DNAH6: variants seen among roughly 807,000 people sequenced by gnomAD.
The protein encoded by DNAH6 is axonemal beta dynein heavy chain 6.
In DNAH6, 340 loss-of-function variants were observed where a neutral mutation model predicts 491.4. The ratio of observed to expected loss-of-function variants is 0.69; its 90% confidence interval spans 0.63 to 0.76. The LOEUF (loss-of-function observed/expected upper bound fraction) is 0.76. Ranked by LOEUF, DNAH6 falls within the 30% of genes least tolerant of loss-of-function variation. DNAH6 has a pLI of 0.00. For missense variants in DNAH6, 4,443 were observed against 4,972.2 expected (o/e 0.89, Z 3.20); for synonymous variants, 1,603 against 1,686.1 (o/e 0.95, Z 1.21).
intron 33 of DNAH6, among the ~76,000 whole-genome samples, chr2:84,646,883 T>A (rs1401247003): frequency 6.6e-6 from 1 of 152,236 alleles, no homozygotes; most frequent in Non-Finnish European, 1.5e-5. Flanking sequence ...AGTCTCACTC[T>A]GCCCCCCAGG....
chr2:84,513,945 C>A (rs1401662375), upstream of DNAH6, among the ~76,000 whole-genome samples: 1 of 152,084 alleles, frequency 6.6e-6, no homozygotes, highest in African/African-American at 2.4e-5. Flanking sequence ...CAGTTTTTTC[C>A]TAGTCCAACC....
At chr2:84,600,406 GT>G (rs995684378) in intron 18 of DNAH6, among the ~76,000 whole-genome samples, 36 of 152,064 alleles carry the variant, frequency 2.4e-4, no homozygotes, top group African/African-American at 8.7e-4. Flanking sequence ...CTTTATCTGA[GT>G]TTTTTTAGTT....
rs1688711365 is a variant in DNAH6, at chr2:84,634,644, A to G, written c.4653+3A>G. 6.5e-7 allele frequency: 1 copy of G among 1,529,046 alleles called. No homozygotes were observed. The highest frequency in any genetic ancestry group is 2.2e-5 in the Admixed American group (1 of 46,492). The allele number at this position is 1,529,046 out of a possible 1,614,324, so 94.7% of individuals were successfully genotyped here. On this transcript the variant is annotated splice_donor_region_variant and intron_variant, in intron 30 of 76. Coordinates refer to ENST00000389394, the MANE Select transcript of DNAH6 (RefSeq NM_001370.2). The stretch of plus-strand genomic sequence containing the variant: ...TTAGGAACGCCAAAGCGGCAAAGGT[A>G]AGGCACTGGGCAATCGACTTTCAAG...
intron 22 of DNAH6, among the ~76,000 whole-genome samples, chr2:84,612,508 G>A (rs1686433725): frequency 6.6e-6 from 1 of 152,118 alleles, no homozygotes; most frequent in Non-Finnish European, 1.5e-5. Context: ...CTTCCCTGAA[G>A]TTTGCTGGGC....
At chr2:84,575,756 G>C in intron 12 of DNAH6, among the ~76,000 whole-genome samples, 1 of 152,054 alleles carries the variant, frequency 6.6e-6, no homozygotes, top group East Asian at 1.9e-4. Flanking sequence ...TGGTGGCGGG[G>C]GCCTGTGGTC....
chr2:84,787,310 C>T lies in DNAH6; in HGVS notation c.11239+8C>T, dbSNP rs1370062214. 6 of 1,545,692 alleles carry T rather than the reference C, an allele frequency of 3.9e-6. No homozygotes were observed. The highest frequency in any genetic ancestry group is 2.4e-5 in the South Asian group (2 of 82,662). ...CACTAATTTACATTACTGGTGAGTACGTCCTTGTGGCCAGGCCTTCCATCT... is the reference window on the plus strand; with the variant it reads ...CACTAATTTACATTACTGGTGAGTATGTCCTTGTGGCCAGGCCTTCCATCT... On this transcript the variant is annotated splice_region_variant and intron_variant, in intron 68 of 76. Coordinates refer to ENST00000389394, the MANE Select transcript of DNAH6 (RefSeq NM_001370.2).
At chr2:84,805,066 A>G (rs1003789675) in intron 70 of DNAH6, among the ~76,000 whole-genome samples, 2 of 152,270 alleles carry the variant, frequency 1.3e-5, no homozygotes, top group Middle Eastern at 3.4e-3. Flanking sequence ...CTTTTGGGCT[A>G]AAGCAGTCTT....
chr2:84,468,602 G>T, the DNAH6 span, among the ~76,000 whole-genome samples: 1 of 152,172 alleles, frequency 6.6e-6, no homozygotes, highest in African/African-American at 2.4e-5. Context: ...GGGAGGAGAA[G>T]AGAATAGACA....
Position 84,621,266 on chromosome 2 carries a change from A to G in DNAH6, c.3868A>G (p.Thr1290Ala). The G allele has an allele frequency of 6.4e-7, 1 of 1,551,624 alleles. No individual in the cohort carries two copies. The highest frequency in any genetic ancestry group is 8.7e-7 in the Non-Finnish European group (1 of 1,146,920). Residue 1290 changes from threonine to alanine, a missense_variant, in exon 25 of 77, where the codon ACA becomes GCA. Transcript: ENST00000389394. ...TGGTAAAGTGGAAGAAGCCATGTTC[A>G]CATCTCTGCGTCGCCTGTGCAAAGC... ...WLGKVEEAMF[T>A]SLRRLCKAAI...
the DNAH6 span, among the ~76,000 whole-genome samples, chr2:84,484,217 T>C: frequency 6.6e-6 from 1 of 151,966 alleles, no homozygotes; most frequent in Non-Finnish European, 1.5e-5. Context: ...AGAAAGAAAA[T>C]CCAGGAAACC....
In DNAH6 at chr2:84,763,714, A is replaced by ATGTGTGTG. The variant is rs70953906; in HGVS notation, c.10703+815_10703+822dup. Among the ~76,000 whole-genome samples, 950 of 126,880 alleles carry ATGTGTGTG rather than the reference A, an allele frequency of 7.5e-3. 9 individuals carry two copies. The highest frequency in any genetic ancestry group is 0.012 in the Middle Eastern group (3 of 242). The allele number at this position is 126,880 out of a possible 152,430, so 83.2% of individuals were successfully genotyped here. ...TCTCCAGAGAAATAGAACTGATAGG[A>ATGTGTGTG]TGTGTGTGTGTGTGTGTGTGTGTGT... is the stretch of plus-strand genomic sequence containing the variant. On this transcript the variant is annotated intron_variant, in intron 64 of 76. Transcript: ENST00000389394.
chr2:84,693,162 T>C (rs1266689755), intron 45 of DNAH6, among the ~76,000 whole-genome samples: 1 of 152,200 alleles, frequency 6.6e-6, no homozygotes, highest in Admixed American at 6.5e-5. Context: ...TGATGTGGCC[T>C]CTGGGATGCC....
Position 84,703,524 on chromosome 2 carries a change from A to G in DNAH6, c.8191A>G (p.Met2731Val). 6.4e-7 allele frequency: 1 copy of G among 1,551,402 alleles called. No individual in the cohort carries two copies. The highest frequency in any genetic ancestry group is 8.7e-7 in the Non-Finnish European group (1 of 1,146,780). ...LAKSEDVEALMEKLAVDQESA... is the reference protein window; with the variant it reads ...LAKSEDVEALVEKLAVDQESA... ...AAAATCAGAAGATGTTGAAGCCCTG[A>G]TGGAAAAATTGGCAGTGGATCAAGA... Residue 2731 changes from methionine to valine, a missense_variant, in exon 50 of 77, where the codon ATG becomes GTG. Physicochemically the swap from Met to Val is conservative, Grantham distance 21. This residue lies in a region of DNAH6 where 2,977 missense variants were observed against 3,296.6 expected (regional missense o/e 0.90). Transcript: ENST00000389394.
In DNAH6 at chr2:84,704,389, C is replaced by A. The variant is rs1212540421; in HGVS notation, c.8465+87C>A. ...CCATGGTAATGTATATATTCATTCC[C>A]TTCTCCACCTTCTCATTGCTTCAGT... On this transcript the variant is annotated intron_variant, in intron 51 of 76. Transcript: ENST00000389394. The A allele has an allele frequency of 4.3e-6, 4 of 925,072 alleles. No individual in the cohort carries two copies. In the East Asian group the frequency reaches 1.1e-4, roughly 24 times the overall value. The allele number at this position is 925,072 out of a possible 1,614,324, so 57.3% of individuals were successfully genotyped here. A position where few individuals can be genotyped will look rare whatever the true frequency, so the allele number is the denominator to read the frequency against.
chr2:84,590,692 G>T (rs542659243), intron 16 of DNAH6, among the ~76,000 whole-genome samples: 1 of 152,028 alleles, frequency 6.6e-6, no homozygotes, highest in Non-Finnish European at 1.5e-5. Context: ...ACAGTCTCTT[G>T]CACCCTGGGC....
the DNAH6 span, among the ~76,000 whole-genome samples, chr2:84,462,694 G>C: frequency 4.6e-5 from 7 of 152,188 alleles, no homozygotes; most frequent in Admixed American, 6.5e-5. Flanking sequence ...AGAAATTCAT[G>C]AGTCCACCTT....
rs767962064 is a variant in DNAH6, at chr2:84,549,872, T to C, written c.1317-17T>C. ...ATATAAGAAACCGAAATTGTATTAG[T>C]TTTTTTTCTTTTCAAGCTTTATTCG... On this transcript the variant is annotated splice_polypyrimidine_tract_variant and intron_variant, in intron 8 of 76. Transcript: ENST00000389394. The C allele has an allele frequency of 5.7e-6, 9 of 1,568,668 alleles. No individual in the cohort carries two copies. The highest frequency in any genetic ancestry group is 3.7e-5 in the Admixed American group (2 of 54,036).
At chr2:84,734,240 G>T (rs567495278) in intron 62 of DNAH6, among the ~76,000 whole-genome samples, 2 of 151,000 alleles carry the variant, frequency 1.3e-5, no homozygotes, top group South Asian at 4.2e-4. Flanking sequence ...CCGCCTCCCG[G>T]GTTCATTCTC....
At position 84,554,223 on chromosome 2, in the gene DNAH6, T is replaced by A. The variant is rs1378221848; in HGVS notation, c.1602+1189T>A. ...ATTCAGTCACATCTATCAAGGATAA[T>A]CACTTTTGACTAACTCGAAAACAAC... On this transcript the variant is annotated intron_variant, in intron 10 of 76. Coordinates refer to ENST00000389394, the MANE Select transcript of DNAH6 (RefSeq NM_001370.2). Among the ~76,000 whole-genome samples, 7 of 152,326 alleles carry A rather than the reference T, an allele frequency of 4.6e-5. No homozygotes were observed. In the East Asian group the frequency reaches 1.2e-3, roughly 25 times the overall value.
Sources: gnomAD v4.1 joint callset for allele counts (sites outside exome capture counted in the v4.1 genomes callset) on GRCh38, gnomAD v4.1.1 for gene constraint, gnomAD v4.1.1 regional missense constraint, MANE v1.5 for transcripts, NCBI Gene and HGNC (gene_info 2026-07-23, HGNC 2026-07-21) for gene names.